The following CNTNAP2 variants were observed in gnomAD, a reference collection of about 807,000 sequenced individuals.
The protein encoded by CNTNAP2 is contactin associated protein 2, also known as contactin-associated protein-like 2.
Under a neutral mutation model 155.2 loss-of-function variants are expected in CNTNAP2, and 98 were observed. The observed-to-expected ratio is 0.63, with a 90% CI of 0.54 to 0.75. The LOEUF (loss-of-function observed/expected upper bound fraction) is 0.75, where lower values mean the gene tolerates loss of function less well. Among genes scored for constraint, CNTNAP2 ranks in the 30% least tolerant of loss-of-function variants. The probability of loss-of-function intolerance (pLI) is 0.00; values close to 1 mark genes in which losing one functional copy is unlikely to be tolerated. For synonymous variants in CNTNAP2, 651 were observed against 631.2 expected (o/e 1.03, Z -0.47); for missense variants, 1,727 against 1,688.1 (o/e 1.02, Z -0.40).
intron 1 of CNTNAP2, among the ~76,000 whole-genome samples, chr7:146,721,889 A>ATATATTTT: frequency 1.4e-5 from 1 of 69,738 alleles, no homozygotes; most frequent in Non-Finnish European, 2.4e-5. Flanking sequence ...ATATATATAT[A>ATATATTTT]TTTTTTTTTT....
intron 12 of CNTNAP2, among the ~76,000 whole-genome samples, chr7:147,628,644 A>G (rs1795030421): frequency 6.6e-6 from 1 of 152,192 alleles, no homozygotes; most frequent in African/African-American, 2.4e-5. Context: ...TGTTGAACGT[A>G]AATGGCCTAA....
intron 1 of CNTNAP2, among the ~76,000 whole-genome samples, chr7:146,172,557 A>T (rs1453061508): frequency 1.3e-5 from 2 of 152,060 alleles, no homozygotes; most frequent in Non-Finnish European, 2.9e-5. Flanking sequence ...CATTTCTCAG[A>T]TTAATGATTC....
chr7:146,910,090 C>G (rs960127551), intron 3 of CNTNAP2, among the ~76,000 whole-genome samples: 6 of 118,978 alleles, frequency 5.0e-5, no homozygotes, highest in African/African-American at 1.7e-4. Flanking sequence ...AGGAATCCAA[C>G]TCACAAGGGA....
chr7:147,180,456 G>T (rs1271986910), intron 8 of CNTNAP2, among the ~76,000 whole-genome samples: 2 of 152,028 alleles, frequency 1.3e-5, no homozygotes, highest in African/African-American at 4.8e-5. Flanking sequence ...TCCCTCTGCT[G>T]CCCCATTTCC....
chr7:146,676,539 G>C (rs1231908773), intron 1 of CNTNAP2, among the ~76,000 whole-genome samples: 2 of 151,934 alleles, frequency 1.3e-5, no homozygotes, highest in Non-Finnish European at 2.9e-5. Context: ...GTGGAGGTTT[G>C]GGGTACAGAT....
chr7:148,381,093 T>C (rs1351452634), intron 21 of CNTNAP2, among the ~76,000 whole-genome samples: 3 of 152,262 alleles, frequency 2.0e-5, no homozygotes, highest in Admixed American at 2.0e-4. Flanking sequence ...TGAGCGCTTT[T>C]GAGCGCCAAC....
intron 9 of CNTNAP2, among the ~76,000 whole-genome samples, chr7:147,357,697 A>G (rs544676909): frequency 5.3e-5 from 8 of 151,950 alleles, no homozygotes; most frequent in Admixed American, 2.6e-4. Context: ...CAGACTTCCC[A>G]CTGGTTTCTG....
rs1407053587 is a variant in CNTNAP2, at chr7:146,969,398, G to A, written c.403-74509G>A. ...TTTCTGTCTTGTTGATCTGTCTAAT[G>A]TTGACAGTGGGGTGTTAAAGTCTCC... On this transcript the variant is annotated intron_variant, in intron 3 of 23. Transcript: ENST00000361727. Among the ~76,000 whole-genome samples the A allele has an allele frequency of 2.0e-5, 3 of 152,148 alleles. No homozygotes were observed. In the East Asian group the frequency reaches 5.8e-4, roughly 29 times the overall value.
chr7:146,959,713 C>CAAAAAAAAAAAAAAAAAAAAAAA, intron 3 of CNTNAP2, among the ~76,000 whole-genome samples: 1 of 90,402 alleles, frequency 1.1e-5, no homozygotes, highest in Non-Finnish European at 2.2e-5. Context: ...CAGCGAGTCT[C>CAAAAAAAAAAAAAAAAAAAAAAA]AAAAAAAAAA....
chr7:148,368,689 C>T (rs1798828117), intron 21 of CNTNAP2, among the ~76,000 whole-genome samples: 1 of 152,112 alleles, frequency 6.6e-6, no homozygotes, highest in African/African-American at 2.4e-5. Context: ...GCCAAGCTAC[C>T]CGAGTGAGCA....
intron 1 of CNTNAP2, among the ~76,000 whole-genome samples, chr7:146,374,792 G>GT (rs1795283624): frequency 6.6e-6 from 1 of 152,096 alleles, no homozygotes; most frequent in African/African-American, 2.4e-5. Context: ...AATATATGTG[G>GT]TTTTGGTTTA....
At chr7:147,828,949 A>T (rs17227268) in intron 13 of CNTNAP2, among the ~76,000 whole-genome samples, 10,221 of 152,264 alleles carry the variant, frequency 0.067, 440 homozygotes, top group Middle Eastern at 0.16. Context: ...TGTACTGCAC[A>T]TAGCACTCTG....
In CNTNAP2 at chr7:147,777,950, T is replaced by C. The variant is rs184273067; in HGVS notation, c.2099-125615T>C. Among the ~76,000 whole-genome samples the C allele has an allele frequency of 1.1e-4, 16 of 152,340 alleles. No individual in the cohort carries two copies. In the East Asian group the frequency reaches 2.7e-3, roughly 26 times the overall value. ...GCTAATCCTATCTCTGTCACAGAGC[T>C]TATTTATACACACACATCTTTCTCC... is the stretch of plus-strand genomic sequence containing the variant. On this transcript the variant is annotated intron_variant, in intron 13 of 23. Transcript: ENST00000361727.
At chr7:146,746,172 A>G (rs559082039) in intron 1 of CNTNAP2, among the ~76,000 whole-genome samples, 1 of 152,230 alleles carries the variant, frequency 6.6e-6, no homozygotes, top group Non-Finnish European at 1.5e-5. Context: ...TTGTTGCACA[A>G]GGTTAATCCT....
At chr7:146,894,847 G>A (rs531243067) in intron 3 of CNTNAP2, among the ~76,000 whole-genome samples, 2 of 152,226 alleles carry the variant, frequency 1.3e-5, no homozygotes, top group African/African-American at 4.8e-5. Context: ...GGCCGACCTT[G>A]ACTGAAGAAT....
At chr7:147,016,058 C>A (rs556922580) in intron 3 of CNTNAP2, among the ~76,000 whole-genome samples, 64 of 152,176 alleles carry the variant, frequency 4.2e-4, no homozygotes, top group African/African-American at 1.5e-3. Flanking sequence ...GTACTGTGCT[C>A]ACCCCTTTGG....
chr7:148,225,014 TAGGGACACAGC>T (rs1795821269), intron 19 of CNTNAP2, among the ~76,000 whole-genome samples: 1 of 152,200 alleles, frequency 6.6e-6, no homozygotes, highest in South Asian at 2.1e-4. Context: ...GACATTTGGA[TAGGGACACAGC>T]CAAACCATAT....
chr7:147,166,990 T>C (rs555494369), intron 8 of CNTNAP2, among the ~76,000 whole-genome samples: 2 of 152,292 alleles, frequency 1.3e-5, no homozygotes, highest in East Asian at 3.9e-4. Context: ...GTAGTAGTTT[T>C]GTTATATCTA....
At chr7:147,903,487 G>A (rs887602168) in intron 13 of CNTNAP2, 78 bp from the exon 14 acceptor site, 1 of 1,461,508 alleles carries the variant, frequency 6.8e-7, no homozygotes, top group South Asian at 1.1e-5. Flanking sequence ...AGTATTCCTG[G>A]GGAAGTGGGT....
Sources: gnomAD v4.1 joint callset for allele counts (sites outside exome capture counted in the v4.1 genomes callset) on GRCh38, gnomAD v4.1.1 for gene constraint, MANE v1.5 for transcripts, NCBI Gene and HGNC (gene_info 2026-07-23, HGNC 2026-07-21) for gene names.